CDH11: variants seen among roughly 807,000 people sequenced by gnomAD.
CDH11 encodes cadherin 11, also known as cadherin-11.
A neutral mutation model predicts 67.8 loss-of-function variants in CDH11; 11 were observed. That is an observed-to-expected ratio of 0.16 (90% CI 0.10 to 0.27). The LOEUF (loss-of-function observed/expected upper bound fraction) is 0.27. Ranked by LOEUF, CDH11 falls within the 10% of genes least tolerant of loss-of-function variation. CDH11 has a pLI of 1.00. For synonymous variants in CDH11, 419 were observed against 400.0 expected, an observed-to-expected ratio of 1.05 and a Z score of -0.57; for missense variants, 847 against 1,031.2, an observed-to-expected ratio of 0.82 and a Z score of 2.45.
intron 1 of CDH11, among the ~76,000 whole-genome samples, chr16:65,100,211 AT>A (rs1679167150): frequency 6.6e-6 from 1 of 152,136 alleles, no homozygotes; most frequent in South Asian, 2.1e-4. Flanking sequence ...AAATTATCAT[AT>A]TTAAGAGTTT....
At chr16:64,956,760 G>T (rs1043569766) in intron 11 of CDH11, among the ~76,000 whole-genome samples, 1 of 152,172 alleles carries the variant, frequency 6.6e-6, no homozygotes, top group South Asian at 2.1e-4. Context: ...GCTTTTACTT[G>T]TACACTTTTT....
rs368503408 is a variant in CDH11 at position 65,011,017 on chromosome 16, G to A, written c.-172-5976C>T. Reference sequence around the variant, plus strand: ...CACATATGTATATGTATATATATGTGTATATATATACACACATATGTATAT... The same window carrying A: ...CACATATGTATATGTATATATATGTATATATATATACACACATATGTATAT... On this transcript the variant is annotated intron_variant, in intron 2 of 12. Coordinates refer to ENST00000268603, the MANE Select transcript of CDH11 (RefSeq NM_001797.4). Among the ~76,000 whole-genome samples, 38 of 144,914 alleles carry A rather than the reference G, an allele frequency of 2.6e-4. No homozygotes were observed. In the East Asian group the frequency reaches 7.2e-3, roughly 27 times the overall value.
chr16:65,004,556 C>T (rs961825175), intron 3 of CDH11, 86 bp downstream of exon 3: 2 of 1,382,444 alleles, frequency 1.4e-6, no homozygotes, highest in Non-Finnish European at 2.0e-6. Flanking sequence ...TCTTAGATGC[C>T]TGTGGGCCTT....
intron 1 of CDH11, among the ~76,000 whole-genome samples, chr16:65,093,227 T>TC (rs1363827663): frequency 2.0e-5 from 3 of 150,552 alleles, no homozygotes; most frequent in African/African-American, 7.3e-5. Context: ...TTTTTTTTTT[T>TC]TTTTTAAGAG....
chr16:64,983,365 A>C (rs1054757466), intron 7 of CDH11: 1 of 152,174 alleles, frequency 6.6e-6, no homozygotes, highest in African/African-American at 2.4e-5. Flanking sequence ...TAGCAGAGAA[A>C]CAAGCCCGGC....
chr16:65,007,567 C>T (rs949783759), intron 2 of CDH11, among the ~76,000 whole-genome samples: 3 of 152,160 alleles, frequency 2.0e-5, no homozygotes, highest in African/African-American at 7.2e-5. Flanking sequence ...CTGTATGAAA[C>T]AACAGAAAGA....
At chr16:65,003,294 G>A (rs143431892) in intron 3 of CDH11, among the ~76,000 whole-genome samples, 40 of 151,284 alleles carry the variant, frequency 2.6e-4, no homozygotes, top group African/African-American at 9.2e-4. Context: ...GTCTCACTCT[G>A]TCTCCCAGGC....
intron 9 of CDH11, 23 bp from the exon 10 acceptor site, chr16:64,972,087 G>C: frequency 6.2e-7 from 1 of 1,610,162 alleles, no homozygotes; most frequent in East Asian, 2.2e-5. Context: ...AATGCAGACA[G>C]TCAAGAAAGG....
At chr16:65,037,463 C>T (rs1240043555) in intron 2 of CDH11, among the ~76,000 whole-genome samples, 1 of 152,082 alleles carries the variant, frequency 6.6e-6, no homozygotes, top group Non-Finnish European at 1.5e-5. Context: ...CCTTGCCATC[C>T]CCATCACCCC....
intron 6 of CDH11, among the ~76,000 whole-genome samples, chr16:64,990,607 A>T (rs1012169767): frequency 2.7e-5 from 4 of 145,578 alleles, no homozygotes; most frequent in African/African-American, 1.0e-4. Flanking sequence ...TTCTAGGGCA[A>T]CTTATGCACT....
At chr16:65,027,402 A>G (rs28586891) in intron 2 of CDH11, among the ~76,000 whole-genome samples, 8,251 of 152,256 alleles carry the variant, frequency 0.054, 773 homozygotes, top group African/African-American at 0.19. Context: ...CAGGGATCTT[A>G]CATACCATTG....
At chr16:64,994,590 C>T (rs1486165352) in intron 4 of CDH11, among the ~76,000 whole-genome samples, 1 of 152,072 alleles carries the variant, frequency 6.6e-6, no homozygotes, top group Non-Finnish European at 1.5e-5. Context: ...ATGACAAAGC[C>T]ACATCCAGCA....
intron 2 of CDH11, among the ~76,000 whole-genome samples, chr16:65,034,210 G>A (rs956541059): frequency 9.2e-5 from 14 of 152,176 alleles, no homozygotes; most frequent in African/African-American, 3.4e-4. Flanking sequence ...GAATGCCTGA[G>A]TTACCAGAAG....
intron 8 of CDH11, chr16:64,981,097 CTTTTTTTTTTTTT>C (rs71376752): frequency 3.4e-5 from 4 of 116,596 alleles, no homozygotes; most frequent in East Asian, 2.2e-4. Context: ...TTCTTTCTTT[CTTTTTTTTTTTTT>C]TTTTTTTTTT....
At chr16:65,111,714 A>AC in intron 1 of CDH11, among the ~76,000 whole-genome samples, 1 of 97,002 alleles carries the variant, frequency 1.0e-5, no homozygotes, top group African/African-American at 4.0e-5. Flanking sequence ...CACACACACA[A>AC]ATGGGGAGTT....
At chr16:65,010,038 G>T (rs879749572) in intron 2 of CDH11, among the ~76,000 whole-genome samples, 23 of 152,186 alleles carry the variant, frequency 1.5e-4, no homozygotes, top group Non-Finnish European at 2.4e-4. Context: ...AATGAAAGAC[G>T]AAAGCGCTTA....
chr16:65,041,925 T>C (rs750116710), intron 2 of CDH11, among the ~76,000 whole-genome samples: 5 of 152,200 alleles, frequency 3.3e-5, no homozygotes, highest in Non-Finnish European at 7.3e-5. Flanking sequence ...CCCTCAAATC[T>C]GAGTAATGGT....
intron 1 of CDH11, among the ~76,000 whole-genome samples, chr16:65,115,962 G>A (rs1287035512): frequency 6.6e-6 from 1 of 151,950 alleles, no homozygotes; most frequent in East Asian, 1.9e-4. Context: ...GATTAGTGGG[G>A]AAAAAATCTA....
chr16:64,946,649 C>T lies in CDH11; in HGVS notation c.*954G>A, dbSNP rs767342375. 1 of 1,001,066 alleles carries T rather than the reference C, an allele frequency of 1.0e-6. No homozygotes were observed. The highest frequency in any genetic ancestry group is 1.2e-6 in the Non-Finnish European group (1 of 831,270). 62.0% of individuals were successfully genotyped at this position (1,001,066 alleles called of 1,614,324 possible). ...TAAAACATATTTGATTTTAAATAAA[C>T]AATAAAAGCAGCAGACAGACAACAA... On this transcript the variant is annotated 3_prime_UTR_variant, in exon 13 of 13. Transcript: ENST00000268603.
Sources: allele counts gnomAD v4.1 joint callset (sites outside exome capture counted in the v4.1 genomes callset), GRCh38; gene constraint gnomAD v4.1.1; transcripts MANE v1.5; gene names NCBI Gene and HGNC (gene_info 2026-07-23, HGNC 2026-07-21).